ASB4: variants seen among roughly 807,000 people sequenced by gnomAD.
The protein encoded by ASB4 is ankyrin repeat and SOCS box containing 4, also known as ankyrin repeat and SOCS box protein 4.
In ASB4, 35 loss-of-function variants were observed where a neutral mutation model predicts 38.6. The ratio of observed to expected loss-of-function variants is 0.91; its 90% CI spans 0.69 to 1.20. ASB4 has a LOEUF of 1.20. Among genes scored for constraint, ASB4 ranks in the 50% most tolerant of loss-of-function variants. ASB4 has a pLI of 0.00. For synonymous variants in ASB4, 195 were observed against 201.3 expected, an observed-to-expected ratio of 0.97 and a Z score of 0.26; for missense variants, 557 against 527.2, an observed-to-expected ratio of 1.06 and a Z score of -0.55.
At chr7:95,515,716 C>T (rs1267242385) in intron 2 of ASB4, among the ~76,000 whole-genome samples, 2 of 152,254 alleles carry the variant, frequency 1.3e-5, no homozygotes, top group East Asian at 3.9e-4. Flanking sequence ...CGCCCAGCTG[C>T]AGTTGCTCTT....
chr7:95,536,366 T>C (rs964151037), intron 3 of ASB4, 71 bp from the exon 4 acceptor site: 26 of 968,582 alleles, frequency 2.7e-5, no homozygotes, highest in Non-Finnish European at 3.7e-5. Context: ...GAATTCTTGA[T>C]GTCTCTGTGA....
chr7:95,475,426 C>G (rs1789967768), upstream of ASB4, among the ~76,000 whole-genome samples: 1 of 152,114 alleles, frequency 6.6e-6, no homozygotes, highest in Admixed American at 6.5e-5. Context: ...CTTTGTCACC[C>G]AGGCTGGAGT....
At chr7:95,505,115 C>G (rs13238790) in intron 2 of ASB4, among the ~76,000 whole-genome samples, 1 of 151,884 alleles carries the variant, frequency 6.6e-6, no homozygotes, top group Admixed American at 6.6e-5. Context: ...CTAACTGGCA[C>G]AAAGAGAAGA....
chr7:95,506,686 CTT>C lies in ASB4; in HGVS notation c.487+10646_487+10647del, dbSNP rs76270182. On this transcript the variant is annotated intron_variant, in intron 2 of 4. Coordinates refer to ENST00000325885, the MANE Select transcript of ASB4 (RefSeq NM_016116.3). Reference sequence around the variant, plus strand: ...TCTTCCTCTCTGGGGAATTTAGATTCTTTTTTTTTTTTTTTTTTGGTCTTTGA... The same window carrying C: ...TCTTCCTCTCTGGGGAATTTAGATTCTTTTTTTTTTTTTTTTGGTCTTTGA... Among the ~76,000 whole-genome samples the C allele has an allele frequency of 6.6e-3, 789 of 119,906 alleles. 3 individuals carry two copies. Among genetic ancestry groups the C allele is most frequent in the Middle Eastern group, 0.018 (4 of 228 alleles). 78.7% of individuals were successfully genotyped at this position (119,906 alleles called of 152,430 possible).
intron 1 of ASB4, among the ~76,000 whole-genome samples, chr7:95,493,026 C>T (rs1273299463): frequency 6.6e-6 from 1 of 152,286 alleles, no homozygotes; most frequent in East Asian, 1.9e-4. Flanking sequence ...CACACATACA[C>T]ACGAGGCGTG....
chr7:95,540,951 ATTGT>A (rs2116665272), downstream of ASB4, among the ~76,000 whole-genome samples: 1 of 152,322 alleles, frequency 6.6e-6, no homozygotes, highest in Admixed American at 6.5e-5. Context: ...TACTCATCTG[ATTGT>A]TTGTGAAGAA....
At chr7:95,473,997 C>T (rs1789950490), upstream of ASB4, 1 of 152,178 alleles carries the variant, frequency 6.6e-6, no homozygotes, top group African/African-American at 2.4e-5. Context: ...TAAGTTACCT[C>T]CAGAACTCTT....
chr7:95,524,286 A>G (rs1450035769), intron 2 of ASB4, among the ~76,000 whole-genome samples: 2 of 152,262 alleles, frequency 1.3e-5, no homozygotes, highest in Non-Finnish European at 2.9e-5. Flanking sequence ...AAAGACAGAC[A>G]TAATAAAATG....
upstream of ASB4, among the ~76,000 whole-genome samples, chr7:95,476,811 T>C (rs1789982041): frequency 6.6e-6 from 1 of 152,196 alleles, no homozygotes; most frequent in African/African-American, 2.4e-5. Context: ...AGACACATGG[T>C]ATGAAACATT....
At chr7:95,492,124 A>C (rs1277915903) in intron 1 of ASB4, among the ~76,000 whole-genome samples, 1 of 152,162 alleles carries the variant, frequency 6.6e-6, no homozygotes, top group Non-Finnish European at 1.5e-5. Context: ...TTGTAACCAC[A>C]ACTCCATTCT....
At chr7:95,500,617 C>T (rs929261204) in intron 2 of ASB4, among the ~76,000 whole-genome samples, 8 of 144,734 alleles carry the variant, frequency 5.5e-5, no homozygotes, top group South Asian at 4.5e-4. Flanking sequence ...TTTCAACCTG[C>T]GGAAATGAAG....
chr7:95,476,058 A>G (rs191370738), upstream of ASB4, among the ~76,000 whole-genome samples: 3 of 152,334 alleles, frequency 2.0e-5, no homozygotes, highest in African/African-American at 7.2e-5. Context: ...TCCTTTTTAT[A>G]ATGCCAGCTC....
chr7:95,525,909 G>A (rs971117433), intron 2 of ASB4, among the ~76,000 whole-genome samples: 2 of 152,166 alleles, frequency 1.3e-5, no homozygotes, highest in African/African-American at 4.8e-5. Context: ...CTTCCTTGGG[G>A]ACTGAGTTTG....
chr7:95,515,023 G>C (rs1790534883), intron 2 of ASB4, among the ~76,000 whole-genome samples: 1 of 152,140 alleles, frequency 6.6e-6, no homozygotes, highest in Non-Finnish European at 1.5e-5. Context: ...TGACACCTAG[G>C]CATCCCTGTG....
chr7:95,524,161 G>C (rs1473476451), intron 2 of ASB4, among the ~76,000 whole-genome samples: 3 of 152,200 alleles, frequency 2.0e-5, no homozygotes, highest in African/African-American at 7.2e-5. Flanking sequence ...CCCTGCACGT[G>C]AGCACCAGAG....
At chr7:95,505,295 TTGCATTTCTGTATACCAG>T (rs532476813) in intron 2 of ASB4, among the ~76,000 whole-genome samples, 351 of 152,266 alleles carry the variant, frequency 2.3e-3, no homozygotes, top group African/African-American at 8.1e-3. Flanking sequence ...CAAAAATCAA[TTGCATTTCTGTATACCAG>T]AAATAAGCAG....
the ASB4 span, among the ~76,000 whole-genome samples, chr7:95,546,091 C>T: frequency 0.03 from 4,571 of 152,284 alleles, 215 homozygotes; most frequent in African/African-American, 0.1. Context: ...CCAGTTCCCA[C>T]CTTTGTAACT....
At chr7:95,493,384 G>A (rs969621360) in intron 1 of ASB4, among the ~76,000 whole-genome samples, 25 of 127,186 alleles carry the variant, frequency 2.0e-4, no homozygotes, top group African/African-American at 7.1e-4. Context: ...GTGTGTGTGT[G>A]TGTGTGTATG....
At chr7:95,550,048 G>A in the ASB4 span, among the ~76,000 whole-genome samples, 1 of 152,144 alleles carries the variant, frequency 6.6e-6, no homozygotes, top group Non-Finnish European at 1.5e-5. Context: ...CATAATAGGA[G>A]GTTAGCTGAA....
Sources: allele counts gnomAD v4.1 joint callset (sites outside exome capture counted in the v4.1 genomes callset), GRCh38; gene constraint gnomAD v4.1.1; transcripts MANE v1.5; gene names NCBI Gene and HGNC (gene_info 2026-07-23, HGNC 2026-07-21).